Variants in ZNF174 observed in about 807,000 individuals in gnomAD.
ZNF174 encodes zinc finger protein 174, also known as AW-1.
ZNF174 carries 30 observed loss-of-function variants against 38.7 expected under a neutral mutation model. That is an observed-to-expected ratio of 0.78 (90% CI 0.58 to 1.05). The LOEUF (loss-of-function observed/expected upper bound fraction) is 1.05, where lower values mean the gene tolerates loss of function less well. Ranked by LOEUF, ZNF174 falls within the 50% of genes least tolerant of loss-of-function variation. The pLI is 0.00. For missense variants in ZNF174, 499 were observed against 495.6 expected, an observed-to-expected ratio of 1.01 and a Z score of -0.06; for synonymous variants, 201 against 181.7, an observed-to-expected ratio of 1.11 and a Z score of -0.86.
intron 2 of ZNF174, among the ~76,000 whole-genome samples, chr16:3,406,478 C>G (rs1016280740): frequency 6.6e-6 from 1 of 152,214 alleles, no homozygotes; most frequent in Non-Finnish European, 1.5e-5. Flanking sequence ...TATACCCATC[C>G]TATTCGGTGA....
chr16:3,404,800 T>A, intron 2 of ZNF174, 152 bp downstream of exon 2: 1 of 1,540,756 alleles, frequency 6.5e-7, no homozygotes, highest in Non-Finnish European at 8.8e-7. Flanking sequence ...TTTCACTAAT[T>A]AGGATGGTGG....
rs146090294 is a variant in ZNF174 at position 3,407,699 on chromosome 16, C to T, written c.626-622C>T. ...CCAGATCCTGTGATTTCCCATAGGC[C>T]GTTCCAGCTCATCTCCATCCAGACT... On this transcript the variant is annotated intron_variant, in intron 2 of 2. Transcript: ENST00000268655. Among the ~76,000 whole-genome samples, 245 of 152,280 alleles carry T rather than the reference C, an allele frequency of 1.6e-3. 1 individual carries two copies. The highest frequency in any genetic ancestry group is 5.4e-3 in the African/African-American group (225 of 41,558).
At chr16:3,403,894 A>G (rs992679725) in intron 1 of ZNF174, among the ~76,000 whole-genome samples, 13 of 152,218 alleles carry the variant, frequency 8.5e-5, no homozygotes, top group African/African-American at 2.7e-4. Context: ...CTAGGCAAGA[A>G]GCAAACGGCA....
rs921036360 is a variant in ZNF174 at position 3,409,049 on chromosome 16, C to T, written c.*130C>T. The stretch of plus-strand genomic sequence containing the variant: ...GAGGCCCTTGAGGAATGATGATGCA[C>T]ATTCTGCTGTGAGGAGGCCCAGAAA... On this transcript the variant is annotated 3_prime_UTR_variant, in exon 3 of 3. Transcript: ENST00000268655. 2.8e-5 allele frequency: 30 copies of T among 1,058,826 alleles called. No homozygotes were observed. The highest frequency in any genetic ancestry group is 1.9e-4 in the African/African-American group (12 of 63,248). 65.6% of individuals were successfully genotyped at this position (1,058,826 alleles called of 1,614,324 possible). A position where few individuals can be genotyped will look rare whatever the true frequency, so the allele number is the denominator to read the frequency against.
intron 2 of ZNF174, among the ~76,000 whole-genome samples, chr16:3,405,621 T>A (rs1179469747): frequency 1.3e-5 from 2 of 152,210 alleles, no homozygotes; most frequent in Non-Finnish European, 2.9e-5. Flanking sequence ...TAGAATTTCA[T>A]ATGAATTTGG....
intron 2 of ZNF174, chr16:3,405,006 A>AG (rs779273859): frequency 1.2e-6 from 2 of 1,611,198 alleles, no homozygotes; most frequent in Admixed American, 1.7e-5. Flanking sequence ...CTCTGTTTAG[A>AG]GGGGCCTGGT....
At chr16:3,406,396 A>G (rs561850989) in intron 2 of ZNF174, among the ~76,000 whole-genome samples, 1 of 152,276 alleles carries the variant, frequency 6.6e-6, no homozygotes, top group Admixed American at 6.5e-5. Context: ...CAGCTACACC[A>G]TTTTACATCC....
intron 2 of ZNF174, among the ~76,000 whole-genome samples, chr16:3,406,448 G>A (rs2034057543): frequency 6.6e-6 from 1 of 152,144 alleles, no homozygotes; most frequent in South Asian, 2.1e-4. Flanking sequence ...CCACATTCTT[G>A]CTAGCACTTG....
intron 2 of ZNF174, among the ~76,000 whole-genome samples, chr16:3,405,517 A>G (rs1022281954): frequency 1.3e-5 from 2 of 152,146 alleles, no homozygotes; most frequent in African/African-American, 4.8e-5. Context: ...GGGCTCTTTC[A>G]TGAAGGCACT....
At position 3,408,727 on chromosome 16, in the gene ZNF174, C is replaced by T. The variant is rs763099948; in HGVS notation, c.1032C>T (p.His344=). The T allele has an allele frequency of 6.2e-7, 1 of 1,614,066 alleles. No individual in the cohort carries two copies. The highest frequency in any genetic ancestry group is 1.1e-5 in the South Asian group (1 of 91,080). ...SFTWNSELKR[H]KRVHTGERPY... ...CGTGGAATTCAGAGCTGAAGAGACACAAGAGAGTCCACACAGGAGAGAGAC... is the reference window on the plus strand; with the variant it reads ...CGTGGAATTCAGAGCTGAAGAGACATAAGAGAGTCCACACAGGAGAGAGAC... Residue 344 remains histidine, a synonymous_variant, in exon 3 of 3, where the codon CAC becomes CAT. Coordinates refer to ENST00000268655, the MANE Select transcript of ZNF174 (RefSeq NM_003450.3).
In ZNF174 at chr16:3,402,394, A is replaced by G. The variant is rs1440120012; in HGVS notation, c.390A>G (p.Lys130=). Reference sequence around the variant, plus strand: ...AAGATTTTCACAGAGCATCCAAGAAACCAAAGCAGTGGGTAAGGAGGGTCC... The same window carrying G: ...AAGATTTTCACAGAGCATCCAAGAAGCCAAAGCAGTGGGTAAGGAGGGTCC... ...LVEDFHRASK[K]PKQWVAVCMQ... The change falls in exon 1 of 3, where the codon AAA becomes AAG. Residue 130 remains lysine (K), a synonymous_variant. Transcript: ENST00000268655. 1.6e-5 allele frequency: 26 copies of G among 1,613,036 alleles called. No individual in the cohort carries two copies. Among genetic ancestry groups the G allele is most frequent in the Non-Finnish European group, 2.2e-5 (26 of 1,179,808 alleles).
chr16:3,408,041 G>A (rs1394396348), intron 2 of ZNF174, among the ~76,000 whole-genome samples: 1 of 152,170 alleles, frequency 6.6e-6, no homozygotes, highest in Non-Finnish European at 1.5e-5. Context: ...AAAGGAAGAA[G>A]GAGGATGGAG....
chr16:3,403,833 CGT>C (rs2034008281), intron 1 of ZNF174, among the ~76,000 whole-genome samples: 1 of 152,158 alleles, frequency 6.6e-6, no homozygotes, highest in Non-Finnish European at 1.5e-5. Context: ...AACTGGCCAG[CGT>C]TGCCATTGCT....
chr16:3,409,144 G>A lies in ZNF174; in HGVS notation c.*225G>A. Reference sequence around the variant, plus strand: ...AGGCAGGTCTGGGCACTGGGGCAAAGAGAACTTAAGTCTCTGCAGAGAGCA... The same window carrying A: ...AGGCAGGTCTGGGCACTGGGGCAAAAAGAACTTAAGTCTCTGCAGAGAGCA... On this transcript the variant is annotated 3_prime_UTR_variant, in exon 3 of 3. Coordinates refer to ENST00000268655, the MANE Select transcript of ZNF174 (RefSeq NM_003450.3). 4 of 554,886 alleles carry A rather than the reference G, an allele frequency of 7.2e-6. No homozygotes were observed. The Middle Eastern group carries it at 1.4e-3, about 200-fold the overall frequency. The allele number at this position is 554,886 out of a possible 1,614,324, so 34.4% of individuals were successfully genotyped here.
At chr16:3,405,179 C>T (rs1301663546) in intron 2 of ZNF174, 4 of 1,166,924 alleles carry the variant, frequency 3.4e-6, no homozygotes, top group African/African-American at 3.1e-5. Flanking sequence ...ATGACAGTGA[C>T]ATTTTGGCCA....
chr16:3,408,836 C>T lies in ZNF174; in HGVS notation c.1141C>T (p.Pro381Ser). 1.2e-6 allele frequency: 2 copies of T among 1,614,168 alleles called. No individual in the cohort carries two copies. Among genetic ancestry groups the T allele is most frequent in the Non-Finnish European group, 1.7e-6 (2 of 1,180,024 alleles). ...LHQRIHTGEK[P>S]YQCGQCGKSF... ...CCAGAGGATCCACACTGGAGAGAAG[C>T]CATACCAGTGTGGCCAGTGTGGGAA... is the stretch of plus-strand genomic sequence containing the variant. The change falls in exon 3 of 3, where the codon CCA (proline) becomes TCA (serine). Residue 381 changes from proline (P) to serine (S), a missense_variant. By Grantham distance (74) the Pro-to-Ser change is moderately conservative. Transcript: ENST00000268655.
chr16:3,405,487 G>A (rs1386329832), intron 2 of ZNF174, among the ~76,000 whole-genome samples: 4 of 152,244 alleles, frequency 2.6e-5, no homozygotes, highest in South Asian at 2.1e-4. Context: ...TGTGGCAGAA[G>A]GGGAAGACAG....
At position 3,402,360 on chromosome 16, in the gene ZNF174, C is replaced by T. The variant is rs1367230874; in HGVS notation, c.356C>T (p.Thr119Ile). The T allele has an allele frequency of 1.4e-5, 23 of 1,613,964 alleles. No homozygotes were observed. The highest frequency in any genetic ancestry group is 1.8e-5 in the Non-Finnish European group (21 of 1,180,018). Reference sequence around the variant, plus strand: ...CCAATGAGCAGCAAGGAGATTGTGACCCTCGTGGAAGATTTTCACAGAGCA... The same window carrying T: ...CCAATGAGCAGCAAGGAGATTGTGATCCTCGTGGAAGATTTTCACAGAGCA... ...RCPMSSKEIV[T>I]LVEDFHRASK... is the part of the protein sequence containing the mutation. The change falls in exon 1 of 3, where the codon ACC (threonine) becomes ATC (isoleucine). Residue 119 changes from threonine (T) to isoleucine (I), a missense_variant. Physicochemically the swap from Thr to Ile is moderately conservative, Grantham distance 89 (BLOSUM62 -1). Coordinates refer to ENST00000268655, the MANE Select transcript of ZNF174 (RefSeq NM_003450.3).
Position 3,404,548 on chromosome 16 carries a change from A to C in ZNF174, c.525A>C (p.Pro175=). The C allele has an allele frequency of 6.2e-7, 1 of 1,614,232 alleles. No homozygotes were observed. Among genetic ancestry groups the C allele is most frequent in the Non-Finnish European group, 8.5e-7 (1 of 1,180,034 alleles). Residue 175 remains proline, a synonymous_variant, in exon 2 of 3, where the codon CCA becomes CCC. Transcript: ENST00000268655. Reference sequence around the variant, plus strand: ...GGAGAGATCTCAGGGAGAGCTCTCCAGCAGAGCCTTCCCAGGCAGGAGCTT... The same window carrying C: ...GGAGAGATCTCAGGGAGAGCTCTCCCGCAGAGCCTTCCCAGGCAGGAGCTT... The part of the protein sequence containing the change: ...TPRRDLRESS[P]AEPSQAGAYD...
Sources: gnomAD v4.1 joint callset for allele counts (sites outside exome capture counted in the v4.1 genomes callset) on GRCh38, gnomAD v4.1.1 for gene constraint, MANE v1.5 for transcripts, NCBI Gene and HGNC (gene_info 2026-07-23, HGNC 2026-07-21) for gene names.